BASP1: variants seen among roughly 807,000 people sequenced by gnomAD.
BASP1 encodes brain acid soluble protein 1.
Under a neutral mutation model 2.2 loss-of-function variants are expected in BASP1, and 1 was observed. That is an observed-to-expected ratio of 0.46 (90% CI 0.16 to 2.17). The LOEUF is 2.17. Ranked by LOEUF, BASP1 falls within the 30% of genes most tolerant of loss-of-function variation. The pLI is 0.27. For synonymous variants in BASP1, 187 were observed against 154.2 expected (o/e 1.21, Z -1.58); for missense variants, 352 against 327.2 (o/e 1.08, Z -0.58).
intron 1 of BASP1, among the ~76,000 whole-genome samples, chr5:17,230,397 T>C (rs986058684): frequency 2.0e-5 from 3 of 152,022 alleles, no homozygotes; most frequent in African/African-American, 4.8e-5. Flanking sequence ...TCGGGAATCA[T>C]GGAAATCCTC....
chr5:17,243,394 T>C (rs918959171), intron 1 of BASP1, among the ~76,000 whole-genome samples: 6 of 152,140 alleles, frequency 3.9e-5, no homozygotes, highest in African/African-American at 1.4e-4. Context: ...CCTCAGATGA[T>C]TTGCCTGCCT....
chr5:17,217,437 G>A (rs1267679208), upstream of BASP1: 1 of 98,126 alleles, frequency 1.0e-5, no homozygotes, highest in Non-Finnish European at 2.1e-5. Context: ...AGTGCAGGGG[G>A]TGGGGAGATG....
At chr5:17,257,772 G>A (rs1740242969) in intron 1 of BASP1, among the ~76,000 whole-genome samples, 1 of 152,166 alleles carries the variant, frequency 6.6e-6, no homozygotes, top group Non-Finnish European at 1.5e-5. Context: ...TTTCTGAAAT[G>A]TGAACTTTAA....
At chr5:17,271,256 G>A (rs1174047425) in intron 1 of BASP1, among the ~76,000 whole-genome samples, 1 of 152,122 alleles carries the variant, frequency 6.6e-6, no homozygotes, top group Non-Finnish European at 1.5e-5. Context: ...CCAGTAGCTG[G>A]GATGATAGGT....
At chr5:17,238,089 T>C (rs1739786145) in intron 1 of BASP1, among the ~76,000 whole-genome samples, 1 of 152,192 alleles carries the variant, frequency 6.6e-6, no homozygotes, top group South Asian at 2.1e-4. Flanking sequence ...GGCACTCCTA[T>C]TGACACTTTA....
intron 1 of BASP1, among the ~76,000 whole-genome samples, chr5:17,232,179 G>A (rs895867267): frequency 2.6e-5 from 4 of 152,142 alleles, no homozygotes; most frequent in African/African-American, 7.2e-5. Context: ...ATTATTTGAG[G>A]GAGACAAATA....
chr5:17,220,473 T>C (rs181717202), intron 1 of BASP1, among the ~76,000 whole-genome samples: 1 of 152,328 alleles, frequency 6.6e-6, no homozygotes, highest in Non-Finnish European at 1.5e-5. Flanking sequence ...TTTAAATCGA[T>C]TTTTAAAAAT....
At chr5:17,230,468 G>A (rs1054753654) in intron 1 of BASP1, among the ~76,000 whole-genome samples, 1 of 152,130 alleles carries the variant, frequency 6.6e-6, no homozygotes, top group African/African-American at 2.4e-5. Context: ...AAAACAAGTA[G>A]TGATACTTAC....
At chr5:17,272,072 A>G (rs994509334) in intron 1 of BASP1, among the ~76,000 whole-genome samples, 17 of 125,936 alleles carry the variant, frequency 1.3e-4, no homozygotes, top group African/African-American at 5.1e-4. Context: ...GCATTTCAAG[A>G]AAAAAAAAAA....
chr5:17,265,408 CCTT>C (rs1321681964), intron 1 of BASP1, among the ~76,000 whole-genome samples: 3 of 152,172 alleles, frequency 2.0e-5, no homozygotes, highest in Non-Finnish European at 2.9e-5. Context: ...GCATATCAAA[CCTT>C]CTAAAATTAA....
chr5:17,272,970 C>A (rs993737136), intron 1 of BASP1, among the ~76,000 whole-genome samples: 2 of 152,076 alleles, frequency 1.3e-5, no homozygotes, highest in African/African-American at 4.8e-5. Context: ...ACTTACTGGA[C>A]CCCCTATGTT....
chr5:17,269,218 G>A (rs1344982481), intron 1 of BASP1, among the ~76,000 whole-genome samples: 1 of 152,182 alleles, frequency 6.6e-6, no homozygotes, highest in East Asian at 1.9e-4. Flanking sequence ...TTTCATGAAC[G>A]TTCATAAATG....
At chr5:17,239,187 G>A (rs867422539) in intron 1 of BASP1, among the ~76,000 whole-genome samples, 6 of 151,856 alleles carry the variant, frequency 4.0e-5, no homozygotes, top group African/African-American at 1.2e-4. Flanking sequence ...TCTGCCTCCC[G>A]GGTTCAAGTG....
Position 17,275,070 on chromosome 5 carries a change from C to T in BASP1, c.-9-138C>T. On this transcript the variant is annotated intron_variant, in intron 1 of 1. Transcript: ENST00000322611. The surrounding 1 kb of genome is among the most constrained non-coding windows in gnomAD (Gnocchi z 5.3). ...ATAAATTGAATTTAACTGTGCCTAA[C>T]TATAGTTTACCATGCCACCCCTTTG... The T allele has an allele frequency of 2.9e-6, 2 of 695,900 alleles. No individual in the cohort carries two copies. The highest frequency in any genetic ancestry group is 4.9e-6 in the Non-Finnish European group (2 of 411,244). 43.1% of individuals were successfully genotyped at this position (695,900 alleles called of 1,614,324 possible).
chr5:17,231,808 T>C (rs1403050422), intron 1 of BASP1, among the ~76,000 whole-genome samples: 3 of 152,208 alleles, frequency 2.0e-5, no homozygotes, highest in Non-Finnish European at 4.4e-5. Flanking sequence ...TGTGTCTGTT[T>C]TGTGGACCCA....
chr5:17,230,853 C>T (rs914714768), intron 1 of BASP1, among the ~76,000 whole-genome samples: 3 of 152,182 alleles, frequency 2.0e-5, no homozygotes, highest in Admixed American at 6.5e-5. Context: ...CAGGCCACTG[C>T]GCCCAGCCCG....
rs370758278 is a variant in BASP1, at chr5:17,275,711, C to T, written c.495C>T (p.Asp165=). 177 of 1,605,950 alleles carry T rather than the reference C, an allele frequency of 1.1e-4. 1 individual carries two copies. The East Asian group carries it at 3.6e-3, about 33-fold the overall frequency. Reference sequence around the variant, plus strand: ...CTGCCGCCCAGGAGACCAAAAGTGACGGGGCCCCAGCTTCAGACTCAAAAC... The same window carrying T: ...CTGCCGCCCAGGAGACCAAAAGTGATGGGGCCCCAGCTTCAGACTCAAAAC... The part of the protein sequence containing the change: ...AAPAAQETKS[D]GAPASDSKPG... The change falls in exon 2 of 2, where the codon GAC becomes GAT. Residue 165 remains aspartate (D), a synonymous_variant. Transcript: ENST00000322611. The surrounding 1 kb of genome is among the most constrained non-coding windows in gnomAD (Gnocchi z 5.3).
chr5:17,234,098 T>C (rs3892172), intron 1 of BASP1, among the ~76,000 whole-genome samples: 15,510 of 152,042 alleles, frequency 0.1, 1,159 homozygotes, highest in African/African-American at 0.2. Flanking sequence ...GCCACTGCAC[T>C]CCAGCCTGCA....
chr5:17,242,459 G>T (rs1423277205), intron 1 of BASP1, among the ~76,000 whole-genome samples: 1 of 150,858 alleles, frequency 6.6e-6, no homozygotes, highest in East Asian at 2.0e-4. Flanking sequence ...AGCAGAATAC[G>T]TCTGTCACAA....
Sources: gnomAD v4.1 joint callset for allele counts (sites outside exome capture counted in the v4.1 genomes callset) on GRCh38, gnomAD v4.1.1 for gene constraint, Gnocchi (gnomAD v3.1) non-coding constraint, MANE v1.5 for transcripts, NCBI Gene and HGNC (gene_info 2026-07-23, HGNC 2026-07-21) for gene names.